Variants in ZNF37A observed in about 807,000 individuals in gnomAD.
The protein encoded by ZNF37A is zinc finger protein 37a (KOX 21).
In ZNF37A, 10 loss-of-function variants were observed where a neutral mutation model predicts 12.3. The observed-to-expected ratio is 0.82, with a 90% CI of 0.50 to 1.38. The LOEUF (loss-of-function observed/expected upper bound fraction) is 1.38, where lower values mean the gene tolerates loss of function less well. ZNF37A is among the 40% of genes most tolerant of loss of function. The probability of loss-of-function intolerance (pLI) is 0.00; values close to 1 mark genes in which losing one functional copy is unlikely to be tolerated. For synonymous variants in ZNF37A, 207 were observed against 223.0 expected (o/e 0.93, Z 0.64); for missense variants, 580 against 651.2 (o/e 0.89, Z 1.19).
At chr10:38,149,927 G>A (rs1590957713) in exon 8 of ZNF37A, 1 of 152,292 alleles carries the variant, frequency 6.6e-6, no homozygotes, top group East Asian at 1.9e-4. Context: ...AAAATTGTAA[G>A]TTCCACGGGG....
chr10:38,109,708 A>G (rs2135956349), intron 5 of ZNF37A, among the ~76,000 whole-genome samples: 1 of 152,332 alleles, frequency 6.6e-6, no homozygotes, highest in East Asian at 1.9e-4. Context: ...ATAGAAAAAC[A>G]GAGAGCCAAA....
intron 4 of ZNF37A, among the ~76,000 whole-genome samples, chr10:38,096,127 C>T (rs527767824): frequency 1.3e-5 from 2 of 152,102 alleles, no homozygotes; most frequent in African/African-American, 4.8e-5. Flanking sequence ...TGCCATCGCA[C>T]TCCAGCCTGG....
chr10:38,121,242 A>G lies in ZNF37A; in HGVS notation c.*2405A>G, dbSNP rs2069677084. On this transcript the variant is annotated 3_prime_UTR_variant, in exon 8 of 8. Transcript: ENST00000685332. ...AACAAAAAAACCCATAAAGCTATAGACCAAAGTCTCATAGATTTAGATGCA... is the reference window on the plus strand; with the variant it reads ...AACAAAAAAACCCATAAAGCTATAGGCCAAAGTCTCATAGATTTAGATGCA... The G allele has an allele frequency of 6.6e-6, 1 of 152,148 alleles. No homozygotes were observed. The highest frequency in any genetic ancestry group is 2.1e-4 in the South Asian group (1 of 4,826). The allele number at this position is 152,148 out of a possible 1,614,324, so 9.4% of individuals were successfully genotyped here.
At position 38,118,871 on chromosome 10, in the gene ZNF37A, G is replaced by C; in HGVS notation, c.*34G>C. 5.2e-6 allele frequency: 8 copies of C among 1,526,028 alleles called. No homozygotes were observed. Among genetic ancestry groups the C allele is most frequent in the Non-Finnish European group, 6.1e-6 (7 of 1,141,962 alleles). The allele number at this position is 1,526,028 out of a possible 1,614,324, so 94.5% of individuals were successfully genotyped here. On this transcript the variant is annotated 3_prime_UTR_variant, in exon 8 of 8. Transcript: ENST00000685332. ...CTTTGTAGAACACAGAACATAAAGGGTGAGAGAAATCTGTTAATATAATGA... is the reference window on the plus strand; with the variant it reads ...CTTTGTAGAACACAGAACATAAAGGCTGAGAGAAATCTGTTAATATAATGA...
chr10:38,112,737 T>TG (rs1564931757), intron 5 of ZNF37A, among the ~76,000 whole-genome samples: 8,027 of 71,854 alleles, frequency 0.11, 1,837 homozygotes, highest in African/African-American at 0.15. Context: ...TCCATTTTCT[T>TG]TTCTTTTCTT....
chr10:38,134,266 G>A (rs1418309923), intron 7 of ZNF37A, among the ~76,000 whole-genome samples: 2 of 152,114 alleles, frequency 1.3e-5, no homozygotes, highest in East Asian at 1.9e-4. Flanking sequence ...TGTTATTACC[G>A]ATCGTCTGAA....
intron 5 of ZNF37A, among the ~76,000 whole-genome samples, chr10:38,100,738 A>T (rs1270074143): frequency 6.6e-6 from 1 of 152,182 alleles, no homozygotes; most frequent in African/African-American, 2.4e-5. Context: ...TCCTCAGGTG[A>T]CATACATCTT....
chr10:38,101,474 A>G (rs1054532605), intron 5 of ZNF37A, among the ~76,000 whole-genome samples: 11 of 151,902 alleles, frequency 7.2e-5, no homozygotes, highest in Admixed American at 7.2e-4. Flanking sequence ...ATTTTACCAT[A>G]CATGCATGGG....
Position 38,118,276 on chromosome 10 carries a change from A to G in ZNF37A, c.1125A>G (p.Lys375=), listed in dbSNP as rs2069448221. ...AGTCAGTCCTTACTGTGCATCAGAA[A>G]ACACACACAGGGGAGAAGCCCTATG... ...SFKSVLTVHQ[K]THTGEKPYEC... The change falls in exon 8 of 8, where the codon AAA becomes AAG. Residue 375 remains lysine (K), a synonymous_variant. Transcript: ENST00000685332. The G allele has an allele frequency of 1.2e-6, 2 of 1,613,972 alleles. No homozygotes were observed. The highest frequency in any genetic ancestry group is 8.5e-7 in the Non-Finnish European group (1 of 1,179,974).
At chr10:38,144,736 C>T (rs1170069085) in intron 7 of ZNF37A, among the ~76,000 whole-genome samples, 15 of 152,058 alleles carry the variant, frequency 9.9e-5, no homozygotes, top group Non-Finnish European at 1.5e-5. Flanking sequence ...TGAAAAAATT[C>T]AATAATCTCA....
chr10:38,138,790 T>C (rs2070144041), intron 7 of ZNF37A: 1 of 152,168 alleles, frequency 6.6e-6, no homozygotes, highest in African/African-American at 2.4e-5. Context: ...AGTCTTGTCA[T>C]TAAATTTGCA....
intron 7 of ZNF37A, among the ~76,000 whole-genome samples, chr10:38,134,397 G>T (rs187043238): frequency 6.6e-6 from 1 of 152,286 alleles, no homozygotes; most frequent in East Asian, 1.9e-4. Context: ...TACCTTTTCT[G>T]CTCTGGTTTC....
chr10:38,125,259 G>A (rs1165146719), downstream of ZNF37A: 3 of 152,130 alleles, frequency 2.0e-5, no homozygotes, highest in Non-Finnish European at 4.4e-5. Flanking sequence ...CACAGTTAAG[G>A]AAATGGAAAG....
rs188225428 is a variant in ZNF37A at position 38,097,889 on chromosome 10, T to C, written c.15+1257T>C. On this transcript the variant is annotated intron_variant, in intron 5 of 7. Coordinates refer to ENST00000685332, the MANE Select transcript of ZNF37A (RefSeq NM_001324250.3). ...AATGTTGTACCACCATAACCACCATTTATTTCTGGAATATTTTCATCACAC... is the reference window on the plus strand; with the variant it reads ...AATGTTGTACCACCATAACCACCATCTATTTCTGGAATATTTTCATCACAC... Among the ~76,000 whole-genome samples, 62 of 152,300 alleles carry C rather than the reference T, an allele frequency of 4.1e-4. No homozygotes were observed. In the East Asian group the frequency reaches 0.011, roughly 28 times the overall value.
intron 7 of ZNF37A, chr10:38,137,855 A>C (rs763195562): frequency 6.6e-6 from 1 of 152,206 alleles, no homozygotes; most frequent in African/African-American, 2.4e-5. Flanking sequence ...GTGCAGATAG[A>C]GATGGATTTT....
At chr10:38,125,474 T>C (rs995138279), downstream of ZNF37A, 1 of 152,196 alleles carries the variant, frequency 6.6e-6, no homozygotes, top group African/African-American at 2.4e-5. Context: ...TTGGAGTTTG[T>C]GATTTGCAAC....
At position 38,115,201 on chromosome 10, in the gene ZNF37A, G is replaced by A. The variant is rs763793357; in HGVS notation, c.149G>A (p.Cys50Tyr). 7 of 1,607,838 alleles carry A rather than the reference G, an allele frequency of 4.4e-6. No homozygotes were observed. The Admixed American group carries it at 8.4e-5, about 19-fold the overall frequency. ...NYSHLVSVGY[C>Y]IPKPEVILKL... ...ATACAATTCTCATTCACAGGGTATT[G>A]CATTCCTAAACCAGAAGTGATTCTC... Residue 50 changes from cysteine (C) to tyrosine (Y), a missense_variant, in exon 7 of 8, where the codon TGC (cysteine) becomes TAC (tyrosine). Physicochemically the swap from Cys to Tyr is radical, Grantham distance 194. Coordinates refer to ENST00000685332, the MANE Select transcript of ZNF37A (RefSeq NM_001324250.3).
rs942786816 is a variant in ZNF37A, at chr10:38,117,823, C to G, written c.672C>G (p.Phe224Leu). ...ILLEHQSVYP[F>L]SQKLNLTPIQ... ...TTGAACATCAGAGTGTTTACCCATT[C>G]AGCCAGAAGTTAAATCTCACTCCAA... Residue 224 changes from phenylalanine (F) to leucine (L), a missense_variant, in exon 8 of 8, where the codon TTC becomes TTG. Transcript: ENST00000685332. 1 of 1,614,016 alleles carries G rather than the reference C, an allele frequency of 6.2e-7. No homozygotes were observed. Among genetic ancestry groups the G allele is most frequent in the Admixed American group, 1.7e-5 (1 of 59,942 alleles).
rs184176834 is a variant in ZNF37A, at chr10:38,101,982, C to T, written c.15+5350C>T. On this transcript the variant is annotated intron_variant, in intron 5 of 7. Coordinates refer to ENST00000685332, the MANE Select transcript of ZNF37A (RefSeq NM_001324250.3). The stretch of plus-strand genomic sequence containing the variant: ...GGATTACTGGTGCACACCATGACAC[C>T]TGGCTAATTTTTGTATATATATATT... 1.8e-4 allele frequency among the ~76,000 whole-genome samples: 27 copies of T among 151,976 alleles called. No homozygotes were observed. The East Asian group carries it at 5.2e-3, about 29-fold the overall frequency.
Sources: allele counts gnomAD v4.1 joint callset (sites outside exome capture counted in the v4.1 genomes callset), GRCh38; gene constraint gnomAD v4.1.1; transcripts MANE v1.5; gene names NCBI Gene and HGNC (gene_info 2026-07-23, HGNC 2026-07-21).